HMCN2: variants seen among roughly 807,000 people sequenced by gnomAD.
HMCN2 encodes hemicentin-2.
Under a neutral mutation model 377.5 loss-of-function variants are expected in HMCN2, and 325 were observed. That is an observed-to-expected ratio of 0.86 (90% CI 0.79 to 0.94). HMCN2 has a LOEUF of 0.94. HMCN2 is among the 40% of genes least tolerant of loss of function. The pLI is 0.00. For synonymous variants in HMCN2, 2,007 were observed against 2,046.8 expected, an observed-to-expected ratio of 0.98 and a Z score of 0.53; for missense variants, 4,543 against 4,725.3, an observed-to-expected ratio of 0.96 and a Z score of 1.13.
chr9:130,395,810 G>T, intron 71 of HMCN2, 114 bp from the exon 72 acceptor site: 1 of 1,118,664 alleles, frequency 8.9e-7, no homozygotes, highest in Non-Finnish European at 1.2e-6. Flanking sequence ...CAGCCTGGAA[G>T]TACAGAGCCA....
At chr9:130,399,750 C>T (rs1842778110) in intron 76 of HMCN2, 118 bp downstream of exon 76, 1 of 664,962 alleles carries the variant, frequency 1.5e-6, no homozygotes, top group Non-Finnish European at 2.1e-6. Flanking sequence ...GCACTGGACA[C>T]CTCCTCCAGG....
intron 48 of HMCN2, 136 bp downstream of exon 48, chr9:130,373,260 G>A: frequency 6.3e-6 from 1 of 159,132 alleles, no homozygotes; most frequent in Non-Finnish European, 1.3e-5. Flanking sequence ...CTTGGACTCG[G>A]CACCAGGTCC....
At chr9:130,318,720 C>A (rs1241606778) in intron 15 of HMCN2, among the ~76,000 whole-genome samples, 1 of 152,118 alleles carries the variant, frequency 6.6e-6, no homozygotes, top group Non-Finnish European at 1.5e-5. Context: ...TTTAGCCAGT[C>A]GTCCTGGGGT....
At chr9:130,269,555 A>G (rs1834300812) in intron 1 of HMCN2, among the ~76,000 whole-genome samples, 1 of 147,752 alleles carries the variant, frequency 6.8e-6, no homozygotes, top group African/African-American at 2.4e-5. Context: ...CAGCACAGCC[A>G]CCCCCAACAC....
At chr9:130,286,942 T>C (rs1252224986) in intron 4 of HMCN2, among the ~76,000 whole-genome samples, 1 of 152,092 alleles carries the variant, frequency 6.6e-6, no homozygotes, top group Non-Finnish European at 1.5e-5. Flanking sequence ...CTGTCCCTGC[T>C]TTCCCTCCAC....
rs145043349 is a variant in HMCN2, at chr9:130,350,730, C to CA, written c.4431-688dup. Among the ~76,000 whole-genome samples, 213 of 148,100 alleles carry CA rather than the reference C, an allele frequency of 1.4e-3. 1 individual carries two copies. The highest frequency in any genetic ancestry group is 4.6e-3 in the African/African-American group (182 of 39,894). ...TGAAACCTCGTCTCTACTAAAAATACAAAAATATATATATATATATACGGG... is the reference window on the plus strand; with the variant it reads ...TGAAACCTCGTCTCTACTAAAAATACAAAAAATATATATATATATATACGGG... On this transcript the variant is annotated intron_variant, in intron 29 of 97. Transcript: ENST00000683500.
chr9:130,343,881 G>A (rs1227029015), intron 25 of HMCN2, among the ~76,000 whole-genome samples: 6 of 152,230 alleles, frequency 3.9e-5, no homozygotes, highest in African/African-American at 7.2e-5. Context: ...GCACCCTCAT[G>A]GGGACTCCCT....
At chr9:130,309,820 G>T in intron 14 of HMCN2, 92 bp from the exon 15 acceptor site, 1 of 351,686 alleles carries the variant, frequency 2.8e-6, no homozygotes. Context: ...ACCTTGTGCA[G>T]CCGCAGGAGC....
chr9:130,357,317 G>A (rs541172296), intron 34 of HMCN2, among the ~76,000 whole-genome samples: 3 of 150,380 alleles, frequency 2.0e-5, no homozygotes, highest in African/African-American at 7.3e-5. Flanking sequence ...TGGATGCATG[G>A]GTGGGTGGGT....
chr9:130,390,007 T>C (rs1397944364), intron 62 of HMCN2, among the ~76,000 whole-genome samples: 1 of 152,256 alleles, frequency 6.6e-6, no homozygotes, highest in African/African-American at 2.4e-5. Context: ...GCTGCATCTT[T>C]TGGCTGAGAT....
In HMCN2 at chr9:130,382,823, C is replaced by T. The variant is rs866161155; in HGVS notation, c.8690C>T (p.Pro2897Leu). 223 of 985,922 alleles carry T rather than the reference C, an allele frequency of 2.3e-4. No individual in the cohort carries two copies. The highest frequency in any genetic ancestry group is 1.6e-3 in the Middle Eastern group (3 of 1,914). The allele number at this position is 985,922 out of a possible 1,614,324, so 61.1% of individuals were successfully genotyped here. ...CTCCAGAATGGGCTGCCTTTCTCCC[C>T]GAGCCCACGGCTGCAGGTCCTGGAG... ...SWLQNGLPFS[P>L]SPRLQVLEDG... is the part of the protein sequence containing the mutation. The change falls in exon 56 of 98, where the codon CCG becomes CTG. Residue 2897 changes from proline to leucine, a missense_variant. This residue lies in a region of HMCN2 where 736 missense variants were observed against 773.2 expected (regional missense o/e 0.95). Transcript: ENST00000683500.
intron 85 of HMCN2, among the ~76,000 whole-genome samples, chr9:130,412,121 G>A (rs1301710678): frequency 1.3e-5 from 2 of 151,692 alleles, no homozygotes; most frequent in African/African-American, 2.4e-5. Flanking sequence ...ATAGGCGCAC[G>A]CCACCACACC....
At chr9:130,270,295 G>GTT (rs34000960) in intron 1 of HMCN2, among the ~76,000 whole-genome samples, 4 of 47,554 alleles carry the variant, frequency 8.4e-5, no homozygotes, top group African/African-American at 1.9e-4. Context: ...TTGTTTGTTT[G>GTT]TTTTTTTTTT....
chr9:130,411,405 C>G (rs373753075), intron 85 of HMCN2, among the ~76,000 whole-genome samples: 10 of 152,058 alleles, frequency 6.6e-5, no homozygotes, highest in African/African-American at 2.2e-4. Context: ...AGTTCAAGAA[C>G]AGCCTGACCA....
At chr9:130,411,185 A>G (rs926791772) in intron 85 of HMCN2, among the ~76,000 whole-genome samples, 3 of 151,180 alleles carry the variant, frequency 2.0e-5, no homozygotes, top group Non-Finnish European at 1.5e-5. Context: ...CCCTGCCCCA[A>G]TAATCACTGT....
At chr9:130,317,468 TC>T (rs1837621377) in intron 15 of HMCN2, among the ~76,000 whole-genome samples, 1 of 7,240 alleles carries the variant, frequency 1.4e-4, no homozygotes, top group Admixed American at 1.4e-3. Context: ...GACCCCACCA[TC>T]TCTCTCTCTC....
intron 29 of HMCN2, among the ~76,000 whole-genome samples, chr9:130,350,090 T>G (rs1379291464): frequency 1.3e-5 from 2 of 151,402 alleles, no homozygotes; most frequent in East Asian, 3.9e-4. Flanking sequence ...AAAAAATGTT[T>G]GTACAGATGG....
chr9:130,289,717 A>G (rs986606272), intron 4 of HMCN2, among the ~76,000 whole-genome samples: 1 of 152,122 alleles, frequency 6.6e-6, no homozygotes, highest in African/African-American at 2.4e-5. Context: ...AGTTCCATCA[A>G]TGCCCCCTGA....
At chr9:130,431,917 C>T (rs1221382127) in intron 96 of HMCN2, among the ~76,000 whole-genome samples, 4 of 152,340 alleles carry the variant, frequency 2.6e-5, no homozygotes, top group South Asian at 2.1e-4. Context: ...ACTCCCAAAC[C>T]GGGCACAGTT....
Sources: gnomAD v4.1 joint callset for allele counts (sites outside exome capture counted in the v4.1 genomes callset) on GRCh38, gnomAD v4.1.1 for gene constraint, gnomAD v4.1.1 regional missense constraint, MANE v1.5 for transcripts, NCBI Gene and HGNC (gene_info 2026-07-23, HGNC 2026-07-21) for gene names.